Variants in PREX2 observed in about 807,000 individuals in gnomAD.
PREX2 encodes phosphatidylinositol 3,4,5-trisphosphate-dependent Rac exchanger 2 protein.
Under a neutral mutation model 203.2 loss-of-function variants are expected in PREX2, and 107 were observed. The ratio of observed to expected loss-of-function variants is 0.53; its 90% CI spans 0.45 to 0.62. The LOEUF is 0.62. Ranked by LOEUF, PREX2 falls within the 20% of genes least tolerant of loss-of-function variation. The probability of loss-of-function intolerance (pLI) is 0.00; values close to 1 mark genes in which losing one functional copy is unlikely to be tolerated. For synonymous variants in PREX2, 672 were observed against 663.6 expected (o/e 1.01, Z -0.19); for missense variants, 1,777 against 1,955.9 (o/e 0.91, Z 1.72).
chr8:68,064,174 G>T (rs939132666), intron 11 of PREX2, among the ~76,000 whole-genome samples: 8 of 152,146 alleles, frequency 5.3e-5, no homozygotes, highest in Non-Finnish European at 7.3e-5. Flanking sequence ...GAATGCTTAT[G>T]TGAGAATTCA....
At chr8:68,061,981 G>C (rs1236407099) in intron 11 of PREX2, among the ~76,000 whole-genome samples, 2 of 152,116 alleles carry the variant, frequency 1.3e-5, no homozygotes, top group Non-Finnish European at 2.9e-5. Flanking sequence ...AATAAATATG[G>C]ATGTTTGGCT....
chr8:68,081,510 A>C (rs1305569758), intron 17 of PREX2, among the ~76,000 whole-genome samples: 2 of 152,100 alleles, frequency 1.3e-5, no homozygotes, highest in East Asian at 3.9e-4. Flanking sequence ...TGCAACCTGG[A>C]GCCCCGTGGA....
At chr8:68,216,692 G>T (rs188063385) in intron 37 of PREX2, among the ~76,000 whole-genome samples, 1 of 151,982 alleles carries the variant, frequency 6.6e-6, no homozygotes, top group Non-Finnish European at 1.5e-5. Flanking sequence ...AAGAACAGCC[G>T]GGCACAGTGT....
intron 1 of PREX2, among the ~76,000 whole-genome samples, chr8:68,016,064 G>C (rs763250278): frequency 6.6e-6 from 1 of 152,246 alleles, no homozygotes; most frequent in African/African-American, 2.4e-5. Flanking sequence ...TGCTAGGAGC[G>C]AGATCTTGTG....
chr8:67,994,127 GTCC>G (rs2129609558), intron 1 of PREX2, among the ~76,000 whole-genome samples: 1 of 152,300 alleles, frequency 6.6e-6, no homozygotes, highest in South Asian at 2.1e-4. Flanking sequence ...CTGTTATCTG[GTCC>G]TAGGAGATTC....
intron 7 of PREX2, among the ~76,000 whole-genome samples, chr8:68,038,688 G>A (rs963440064): frequency 6.6e-6 from 1 of 152,056 alleles, no homozygotes; most frequent in African/African-American, 2.4e-5. Flanking sequence ...CATGCCATGA[G>A]TCTTTCCTCT....
rs1247039606 is a variant in PREX2, at chr8:68,134,083, A to G, written c.3791A>G (p.Asp1264Gly). Residue 1264 changes from aspartate to glycine, a missense_variant, in exon 32 of 40, where the codon GAC (aspartate) becomes GGC (glycine). By Grantham distance (94) the Asp-to-Gly change is moderately conservative (BLOSUM62 -1). Coordinates refer to ENST00000288368, the MANE Select transcript of PREX2 (RefSeq NM_024870.4). ...GATAGTGAGACACAGCTCCGTAGAG[A>G]CATGGTTTTCTGCCAGACTCTTGTG... ...YSDSETQLRRDMVFCQTLVAT... is the reference protein window; with the variant it reads ...YSDSETQLRRGMVFCQTLVAT... 1 of 1,614,086 alleles carries G rather than the reference A, an allele frequency of 6.2e-7. No homozygotes were observed. The highest frequency in any genetic ancestry group is 8.5e-7 in the Non-Finnish European group (1 of 1,179,934).
chr8:68,217,531 C>T, intron 37 of PREX2, 85 bp from the exon 38 acceptor site: 1 of 961,858 alleles, frequency 1.0e-6, no homozygotes. Context: ...CTGGTGCTTT[C>T]TGATTTTGTG....
chr8:68,179,930 A>G (rs567101568), intron 35 of PREX2, among the ~76,000 whole-genome samples: 2 of 152,284 alleles, frequency 1.3e-5, no homozygotes, highest in South Asian at 2.1e-4. Context: ...CTTAAGTCTC[A>G]TATCATTTAC....
rs1363016802 is a variant in PREX2, at chr8:68,235,682, ATTCCATTGAACAAATATTGACCAT to A, written c.*4306_*4329del. 6.6e-6 allele frequency: 1 copy of A among 152,166 alleles called. No individual in the cohort carries two copies. The highest frequency in any genetic ancestry group is 2.4e-5 in the African/African-American group (1 of 41,444). The allele number at this position is 152,166 out of a possible 1,614,324, so 9.4% of individuals were successfully genotyped here. ...TCTGTACCAAAAATGGCCCCAGGATATTCCATTGAACAAATATTGACCATTATCTTCCTAGGTGCTACAACTCCA... is the reference window on the plus strand; with the variant it reads ...TCTGTACCAAAAATGGCCCCAGGATATATCTTCCTAGGTGCTACAACTCCA... On this transcript the variant is annotated 3_prime_UTR_variant, in exon 40 of 40. Transcript: ENST00000288368.
intron 8 of PREX2, among the ~76,000 whole-genome samples, chr8:68,047,469 TTATATA>T (rs3056653): frequency 0.24 from 28,125 of 117,016 alleles, 3,524 homozygotes; most frequent in East Asian, 0.36. Context: ...ATGGATGAAT[TTATATA>T]TATATATATA....
At chr8:68,003,700 C>T (rs778574406) in intron 1 of PREX2, among the ~76,000 whole-genome samples, 4 of 152,058 alleles carry the variant, frequency 2.6e-5, no homozygotes, top group Admixed American at 6.6e-5. Flanking sequence ...GCCGAGTTAA[C>T]GTTAAAGAGA....
chr8:68,124,626 C>A (rs992689497), intron 30 of PREX2, among the ~76,000 whole-genome samples: 20 of 152,018 alleles, frequency 1.3e-4, no homozygotes, highest in Non-Finnish European at 2.8e-4. Context: ...TGCACATGTA[C>A]CCTTGAACTT....
intron 24 of PREX2, chr8:68,109,123 A>G: frequency 2.2e-6 from 1 of 445,162 alleles, no homozygotes; most frequent in South Asian, 2.0e-5. Context: ...AGTTCAAGAG[A>G]TATATTGTAT....
At chr8:67,996,566 A>G (rs982827122) in intron 1 of PREX2, among the ~76,000 whole-genome samples, 64 of 152,038 alleles carry the variant, frequency 4.2e-4, no homozygotes, top group African/African-American at 1.4e-3. Context: ...TGTATTGTAG[A>G]TATTGCTTCC....
intron 1 of PREX2, among the ~76,000 whole-genome samples, chr8:67,992,043 G>A (rs1366317954): frequency 6.6e-6 from 1 of 152,190 alleles, no homozygotes; most frequent in Non-Finnish European, 1.5e-5. Flanking sequence ...CCCAAGCAAT[G>A]CATTAAGTAC....
At chr8:68,039,442 G>C (rs954601963) in intron 7 of PREX2, among the ~76,000 whole-genome samples, 2 of 152,136 alleles carry the variant, frequency 1.3e-5, no homozygotes, top group Non-Finnish European at 2.9e-5. Context: ...AGTGCTGTGG[G>C]GCTCTGCATT....
chr8:67,997,243 T>C (rs1055018688), intron 1 of PREX2, among the ~76,000 whole-genome samples: 1 of 150,726 alleles, frequency 6.6e-6, no homozygotes, highest in Non-Finnish European at 1.5e-5. Flanking sequence ...TTCTCTCTTC[T>C]TTTTTTTTAG....
chr8:67,959,684 C>T (rs1338555700), intron 1 of PREX2, among the ~76,000 whole-genome samples: 1 of 152,132 alleles, frequency 6.6e-6, no homozygotes, highest in African/African-American at 2.4e-5. Context: ...TAAGAATGGG[C>T]AAGCTGTCAC....
Sources: allele counts gnomAD v4.1 joint callset (sites outside exome capture counted in the v4.1 genomes callset), GRCh38; gene constraint gnomAD v4.1.1; transcripts MANE v1.5; gene names NCBI Gene and HGNC (gene_info 2026-07-23, HGNC 2026-07-21).